MUC5AC: variants seen among roughly 807,000 people sequenced by gnomAD.
The protein encoded by MUC5AC is mucin-5AC.
Under a neutral mutation model 169.7 loss-of-function variants are expected in MUC5AC, and 158 were observed. The ratio of observed to expected loss-of-function variants is 0.93; its 90% CI spans 0.82 to 1.06. The LOEUF (loss-of-function observed/expected upper bound fraction) is 1.06, where lower values mean the gene tolerates loss of function less well. Ranked by LOEUF, MUC5AC falls within the 50% of genes least tolerant of loss-of-function variation. MUC5AC has a pLI of 0.00. For missense variants in MUC5AC, 4,359 were observed against 3,089.9 expected (o/e 1.41, Z -9.74); for synonymous variants, 1,975 against 1,237.0 (o/e 1.60, Z -12.52).
Position 1,186,279 on chromosome 11 carries a change from C to G in MUC5AC, c.8134C>G (p.Pro2712Ala). 1 of 736,170 alleles carries G rather than the reference C, an allele frequency of 1.4e-6. No homozygotes were observed. The highest frequency in any genetic ancestry group is 2.5e-6 in the Non-Finnish European group (1 of 403,728). The allele number at this position is 736,170 out of a possible 1,614,324, so 45.6% of individuals were successfully genotyped here. A position where few individuals can be genotyped will look rare whatever the true frequency, so the allele number is the denominator to read the frequency against. ...TCCCACCACCAGCACAACCTCTGCTCCCACAACAAGCACAACCTCTGCCCC... is the reference window on the plus strand; with the variant it reads ...TCCCACCACCAGCACAACCTCTGCTGCCACAACAAGCACAACCTCTGCCCC... Reference protein sequence around the residue: ...PVPTTSTTSAPTTSTTSAPTT... With the variant: ...PVPTTSTTSAATTSTTSAPTT... Residue 2712 changes from proline (P) to alanine (A), a missense_variant, in exon 31 of 49, where the codon CCC (proline) becomes GCC (alanine). Coordinates refer to ENST00000621226, the MANE Select transcript of MUC5AC (RefSeq NM_001304359.2).
chr11:1,178,098 T>A (rs1490136972), intron 24 of MUC5AC, among the ~76,000 whole-genome samples: 1 of 152,322 alleles, frequency 6.6e-6, no homozygotes, highest in African/African-American at 2.4e-5. Context: ...GACCCACTCA[T>A]TACCTCAGTC....
At chr11:1,161,689 G>GTGAACAC in intron 3 of MUC5AC, 103 bp downstream of exon 3, 3 of 1,356,092 alleles carry the variant, frequency 2.2e-6, no homozygotes, top group Non-Finnish European at 3.0e-6. Context: ...AGCTTTCCGG[G>GTGAACAC]TGAACACTGG....
chr11:1,167,581 C>G (rs577134974), intron 11 of MUC5AC, among the ~76,000 whole-genome samples: 4 of 152,356 alleles, frequency 2.6e-5, no homozygotes, highest in East Asian at 1.9e-4. Flanking sequence ...CTCCTCACCC[C>G]TCTCTCGCCC....
chr11:1,197,386 C>T (rs527633598), intron 40 of MUC5AC, 82 bp from the exon 41 acceptor site: 60 of 675,746 alleles, frequency 8.9e-5, no homozygotes, highest in African/African-American at 7.2e-4. Context: ...CTGGCTGCCC[C>T]GGCACTGCAT....
chr11:1,165,351 G>A lies in MUC5AC; in HGVS notation c.1179G>A (p.Lys393=), dbSNP rs368207095. The change falls in exon 10 of 49, where the codon AAG becomes AAA. Residue 393 remains lysine, a synonymous_variant. Transcript: ENST00000621226. ...IGQTGCVPVS[K]CACVYNGAAY... ...AGACCGGCTGTGTCCCTGTGTCAAA[G>A]TGTGCCTGCGTCTACAACGGGGCTG... 32 of 1,612,336 alleles carry A rather than the reference G, an allele frequency of 2.0e-5. No individual in the cohort carries two copies. The African/African-American group carries it at 3.3e-4, about 17-fold the overall frequency.
In MUC5AC at chr11:1,164,487, C is replaced by A; in HGVS notation, c.1084C>A (p.Arg362=). ...CACCTGCTCCAACCAGGAGCACTCC[C>A]GGGCCTGTGAGGACCACTGTGTGGC... is the stretch of plus-strand genomic sequence containing the variant. The part of the protein sequence containing the change: ...ADTCSNQEHS[R]ACEDHCVAGC... Residue 362 remains arginine, a synonymous_variant, in exon 9 of 49, where the codon CGG becomes AGG. Transcript: ENST00000621226. The A allele has an allele frequency of 1.2e-6, 2 of 1,611,636 alleles. No homozygotes were observed. The highest frequency in any genetic ancestry group is 1.7e-6 in the Non-Finnish European group (2 of 1,179,508).
Position 1,190,884 on chromosome 11 carries a change from A to C in MUC5AC, c.12739A>C (p.Thr4247Pro). Residue 4247 changes from threonine to proline, a missense_variant, in exon 31 of 49, where the codon ACC becomes CCC. By Grantham distance (38) the Thr-to-Pro change is conservative. Transcript: ENST00000621226. ...AACCAGCACAACTTCTGCTCCTACA[A>C]CCAGCACAACCTCTGGTCCTGGAAC... ...STTSTTSAPT[T>P]STTSGPGTTP... 1.4e-6 allele frequency: 1 copy of C among 739,668 alleles called. No individual in the cohort carries two copies. Among genetic ancestry groups the C allele is most frequent in the South Asian group, 1.4e-5 (1 of 71,026 alleles). The allele number at this position is 739,668 out of a possible 1,614,324, so 45.8% of individuals were successfully genotyped here.
rs369381926 is a variant in MUC5AC at position 1,161,996 on chromosome 11, G to A, written c.301G>A (p.Gly101Ser). The A allele has an allele frequency of 3.9e-4, 630 of 1,612,430 alleles. 3 individuals are homozygous for A. In the African/African-American group the frequency reaches 7.5e-3, roughly 19 times the overall value. The stretch of plus-strand genomic sequence containing the variant: ...CGACGGCGACGTCTTCCGCTTCCCC[G>A]GCCTCTGCAACTACGTGTTCTCCGA... ...TFDGDVFRFP[G>S]LCNYVFSEHC... The change falls in exon 4 of 49, where the codon GGC (glycine) becomes AGC (serine). Residue 101 changes from glycine to serine, a missense_variant. Transcript: ENST00000621226.
chr11:1,163,073 T>G, intron 6 of MUC5AC, 28 bp downstream of exon 6: 1 of 1,593,962 alleles, frequency 6.3e-7, no homozygotes, highest in Non-Finnish European at 8.6e-7. Flanking sequence ...CCTCAGCCCC[T>G]TCCTCAGTGT....
At chr11:1,175,391 T>G (rs1860644905) in intron 19 of MUC5AC, 121 bp downstream of exon 19, 1 of 397,892 alleles carries the variant, frequency 2.5e-6, no homozygotes, top group Non-Finnish European at 4.4e-6. Context: ...GTCCATCAGC[T>G]GCTCAGTGTC....
rs1860739238 is a variant in MUC5AC at position 1,178,506 on chromosome 11, G to T, written c.3150G>T (p.Arg1050=). The change falls in exon 25 of 49, where the codon CGG becomes CGT. Residue 1050 remains arginine, a synonymous_variant. Coordinates refer to ENST00000621226, the MANE Select transcript of MUC5AC (RefSeq NM_001304359.2). The part of the protein sequence containing the change: ...DDIAVNDFAT[R]SRSVVGDVLE... ...TCGCCGTTAATGACTTTGCCACGCGGAGCCGGTCTGTGGTGGGGGACGTGC... is the reference window on the plus strand; with the variant it reads ...TCGCCGTTAATGACTTTGCCACGCGTAGCCGGTCTGTGGTGGGGGACGTGC... The T allele has an allele frequency of 4.2e-6, 5 of 1,197,992 alleles. No individual in the cohort carries two copies. The highest frequency in any genetic ancestry group is 5.5e-6 in the Non-Finnish European group (5 of 906,352). The allele number at this position is 1,197,992 out of a possible 1,614,324, so 74.2% of individuals were successfully genotyped here.
Position 1,181,336 on chromosome 11 carries a change from G to A in MUC5AC, c.3886G>A (p.Gly1296Ser), listed in dbSNP as rs1860810405. 1 of 398,668 alleles carries A rather than the reference G, an allele frequency of 2.5e-6. No individual in the cohort carries two copies. The highest frequency in any genetic ancestry group is 4.4e-6 in the Non-Finnish European group (1 of 226,144). 24.7% of individuals were successfully genotyped at this position (398,668 alleles called of 1,614,324 possible). ...PGDVIYHTTD[G>S]TGGCISARCG... ...GGACGTCATCTACCACACGACGGAT[G>A]GCACGGGTGGCTGCATCTCCGCCCG... The change falls in exon 30 of 49, where the codon GGC becomes AGC. Residue 1296 changes from glycine to serine, a missense_variant. Gly to Ser is a moderately conservative substitution (Grantham distance 56). Transcript: ENST00000621226.
Position 1,196,066 on chromosome 11 carries a change from C to A in MUC5AC, c.15637+12C>A. 1 of 761,714 alleles carries A rather than the reference C, an allele frequency of 1.3e-6. No homozygotes were observed. The highest frequency in any genetic ancestry group is 1.3e-5 in the South Asian group (1 of 74,234). 47.2% of individuals were successfully genotyped at this position (761,714 alleles called of 1,614,324 possible). A position where few individuals can be genotyped will look rare whatever the true frequency, so the allele number is the denominator to read the frequency against. ...CGGCCACATGTGCCGTGAGTGCCAC[C>A]ACTGTCCTCAGGGTCCCAAGTCGCT... is the stretch of plus-strand genomic sequence containing the variant. On this transcript the variant is annotated intron_variant, in intron 37 of 48. Coordinates refer to ENST00000621226, the MANE Select transcript of MUC5AC (RefSeq NM_001304359.2).
intron 40 of MUC5AC, among the ~76,000 whole-genome samples, chr11:1,197,109 T>C (rs937721967): frequency 2.0e-5 from 3 of 152,194 alleles, no homozygotes; most frequent in African/African-American, 7.2e-5. Context: ...GTACCCACTC[T>C]GTCCGTATTG....
chr11:1,168,370 C>T (rs1442540888), intron 12 of MUC5AC, 113 bp from the exon 13 acceptor site: 13 of 1,020,008 alleles, frequency 1.3e-5, no homozygotes, highest in Middle Eastern at 4.8e-4. Context: ...TTGTAGGAGC[C>T]GCAGCTGCAG....
Position 1,197,487 on chromosome 11 carries a change from T to G in MUC5AC, c.15881T>G (p.Met5294Arg). Residue 5294 changes from methionine to arginine, a missense_variant, in exon 41 of 49, where the codon ATG (methionine) becomes AGG (arginine). Transcript: ENST00000621226. ...EPVKVGHTVG[M>R]DCQECTCEAA... is the part of the protein sequence containing the mutation. ...TTGCAGGTGGGCCACACCGTCGGCA[T>G]GGACTGCCAGGAGTGCACGTGTGAG... The G allele has an allele frequency of 1.4e-6, 1 of 716,732 alleles. No homozygotes were observed. The highest frequency in any genetic ancestry group is 2.5e-6 in the Non-Finnish European group (1 of 394,500). 44.4% of individuals were successfully genotyped at this position (716,732 alleles called of 1,614,324 possible). A position where few individuals can be genotyped will look rare whatever the true frequency, so the allele number is the denominator to read the frequency against.
At chr11:1,171,100 C>A (rs1254918887) in intron 15 of MUC5AC, among the ~76,000 whole-genome samples, 4 of 144,054 alleles carry the variant, frequency 2.8e-5, no homozygotes, top group Non-Finnish European at 6.1e-5. Context: ...ACCGACTCAA[C>A]CATTCACTCA....
Position 1,199,470 on chromosome 11 carries a change from C to A in MUC5AC, c.16495C>A (p.Pro5499Thr). The change falls in exon 46 of 49, where the codon CCC becomes ACC. Residue 5499 changes from proline to threonine, a missense_variant. Pro to Thr is a conservative substitution (Grantham distance 38, BLOSUM62 -1). Transcript: ENST00000621226. ...LVVVTTKKAC[P>T]PLSCSLDEAR... ...GGTGGTCACCACGAAGAAGGCGTGC[C>A]CCCCGCTCAGCTGTTCTCTGGTGAG... 1 of 719,286 alleles carries A rather than the reference C, an allele frequency of 1.4e-6. No homozygotes were observed. The highest frequency in any genetic ancestry group is 2.5e-6 in the Non-Finnish European group (1 of 394,402). The allele number at this position is 719,286 out of a possible 1,614,324, so 44.6% of individuals were successfully genotyped here. A position where few individuals can be genotyped will look rare whatever the true frequency, so the allele number is the denominator to read the frequency against.
chr11:1,167,375 A>C (rs992091972), intron 11 of MUC5AC, among the ~76,000 whole-genome samples: 2 of 152,184 alleles, frequency 1.3e-5, no homozygotes, highest in Non-Finnish European at 2.9e-5. Context: ...GAGACCCTGC[A>C]CCCAATACAC....
Sources: allele counts gnomAD v4.1 joint callset (sites outside exome capture counted in the v4.1 genomes callset), GRCh38; gene constraint gnomAD v4.1.1; transcripts MANE v1.5; gene names NCBI Gene and HGNC (gene_info 2026-07-23, HGNC 2026-07-21).